PRKG1: variants seen among roughly 807,000 people sequenced by gnomAD.
PRKG1 encodes the protein protein kinase cGMP-dependent 1.
PRKG1 carries 35 observed loss-of-function variants against 88.1 expected under a neutral mutation model. That is an observed-to-expected ratio of 0.40 (90% CI 0.30 to 0.53). PRKG1 has a LOEUF of 0.53. Ranked by LOEUF, PRKG1 falls within the 20% of genes least tolerant of loss-of-function variation. The pLI, the probability that PRKG1 is intolerant of heterozygous loss-of-function variation, is 0.59. For synonymous variants in PRKG1, 303 were observed against 292.5 expected (o/e 1.04, Z -0.37); for missense variants, 540 against 839.8 (o/e 0.64, Z 4.41).
chr10:51,003,828 C>T (rs56866455), intron 1 of PRKG1, among the ~76,000 whole-genome samples: 3,906 of 152,236 alleles, frequency 0.026, 66 homozygotes, highest in East Asian at 0.042. Context: ...TTCCATAACA[C>T]TCCTCAGTAA....
chr10:51,721,700 C>A (rs1292705683), intron 3 of PRKG1, among the ~76,000 whole-genome samples: 1 of 151,886 alleles, frequency 6.6e-6, no homozygotes, highest in Non-Finnish European at 1.5e-5. Context: ...CTGTGTAGCC[C>A]AGGCAGTATA....
chr10:51,375,539 A>T (rs527345397), intron 2 of PRKG1, among the ~76,000 whole-genome samples: 134 of 152,202 alleles, frequency 8.8e-4, no homozygotes, highest in Admixed American at 1.4e-3. Flanking sequence ...GTGTCATGTC[A>T]GCACTCAAAA....
At position 52,240,045 on chromosome 10, in the gene PRKG1, C is replaced by T. The variant is rs1840819298; in HGVS notation, c.1077-11525C>T. On this transcript the variant is annotated intron_variant, in intron 9 of 17. Coordinates refer to ENST00000373980, the MANE Select transcript of PRKG1 (RefSeq NM_006258.4). The stretch of plus-strand genomic sequence containing the variant: ...ATTTGTAATCCCTTTATAAAGTTAT[C>T]TGATTTTGAGAGGGACACCTTTCCA... 2.0e-5 allele frequency among the ~76,000 whole-genome samples: 3 copies of T among 152,146 alleles called. No homozygotes were observed. The South Asian group carries it at 6.2e-4, about 32-fold the overall frequency.
chr10:51,384,738 G>A (rs951547892), intron 2 of PRKG1, among the ~76,000 whole-genome samples: 1 of 151,964 alleles, frequency 6.6e-6, no homozygotes, highest in Non-Finnish European at 1.5e-5. Flanking sequence ...CCTCATTGCT[G>A]TTCCCACTTC....
intron 2 of PRKG1, among the ~76,000 whole-genome samples, chr10:51,338,577 T>C (rs1472495958): frequency 6.6e-6 from 1 of 152,184 alleles, no homozygotes; most frequent in Non-Finnish European, 1.5e-5. Context: ...GTGTCAGAAT[T>C]CTCAATGGGA....
At chr10:51,754,222 C>A (rs981124581) in intron 3 of PRKG1, among the ~76,000 whole-genome samples, 1 of 152,078 alleles carries the variant, frequency 6.6e-6, no homozygotes, top group Non-Finnish European at 1.5e-5. Flanking sequence ...CAACTTAGTC[C>A]CTGTTATTGA....
chr10:51,712,968 T>A (rs1055258210), intron 3 of PRKG1, among the ~76,000 whole-genome samples: 4 of 112,634 alleles, frequency 3.6e-5, no homozygotes, highest in Non-Finnish European at 8.0e-5. Flanking sequence ...ACAATAACTC[T>A]ATGAGGGTTT....
chr10:51,060,489 G>A (rs1843680706), intron 1 of PRKG1, among the ~76,000 whole-genome samples: 1 of 151,972 alleles, frequency 6.6e-6, no homozygotes, highest in South Asian at 2.1e-4. Context: ...GGTTACTCTA[G>A]AGAGTACAAC....
At chr10:51,435,371 C>A (rs1005378229) in intron 2 of PRKG1, among the ~76,000 whole-genome samples, 6 of 151,250 alleles carry the variant, frequency 4.0e-5, no homozygotes, top group Non-Finnish European at 8.8e-5. Flanking sequence ...GGTGTGAACT[C>A]CTGGCCTTGA....
At chr10:51,959,792 G>A (rs965054429) in intron 5 of PRKG1, among the ~76,000 whole-genome samples, 3 of 152,084 alleles carry the variant, frequency 2.0e-5, no homozygotes, top group Admixed American at 1.3e-4. Flanking sequence ...AGCCAAGTGG[G>A]TGGTGATGCT....
intron 5 of PRKG1, among the ~76,000 whole-genome samples, chr10:51,962,555 G>T (rs1309807368): frequency 6.6e-6 from 1 of 151,960 alleles, no homozygotes; most frequent in Non-Finnish European, 1.5e-5. Context: ...CCTTTGATTT[G>T]CAGCTGTGGT....
chr10:52,217,319 C>T (rs1306639637), intron 9 of PRKG1, among the ~76,000 whole-genome samples: 2 of 147,060 alleles, frequency 1.4e-5, no homozygotes, highest in Non-Finnish European at 3.0e-5. Context: ...TATACATATA[C>T]ACACACACGT....
intron 7 of PRKG1, among the ~76,000 whole-genome samples, chr10:52,076,531 T>G (rs1457123987): frequency 6.6e-6 from 1 of 152,148 alleles, no homozygotes; most frequent in Non-Finnish European, 1.5e-5. Context: ...CACTCCAGCC[T>G]GGGCAACAGA....
At chr10:51,146,874 G>A in intron 1 of PRKG1, among the ~76,000 whole-genome samples, 1 of 152,102 alleles carries the variant, frequency 6.6e-6, no homozygotes, top group Non-Finnish European at 1.5e-5. Flanking sequence ...AGTCACAATA[G>A]CCAAGATACG....
chr10:51,249,119 CT>C (rs761321206), intron 2 of PRKG1, among the ~76,000 whole-genome samples: 1 of 151,720 alleles, frequency 6.6e-6, no homozygotes, highest in Non-Finnish European at 1.5e-5. Context: ...ACAGTTAATG[CT>C]GTATTAAAAT....
intron 2 of PRKG1, among the ~76,000 whole-genome samples, chr10:51,191,355 C>T (rs1288342670): frequency 2.0e-5 from 3 of 151,782 alleles, no homozygotes; most frequent in Non-Finnish European, 4.4e-5. Flanking sequence ...TATATAACTT[C>T]TAAGCCTCAG....
At chr10:51,699,078 CT>C in intron 3 of PRKG1, 1 of 1,614,218 alleles carries the variant, frequency 6.2e-7, no homozygotes, top group Non-Finnish European at 8.5e-7. Context: ...ATGTTTCGAG[CT>C]TCCTGGTGGC....
At chr10:52,010,937 T>C (rs1844864195) in intron 5 of PRKG1, among the ~76,000 whole-genome samples, 1 of 152,224 alleles carries the variant, frequency 6.6e-6, no homozygotes, top group Non-Finnish European at 1.5e-5. Flanking sequence ...GTCATTTTGT[T>C]CATCCCTTCT....
intron 5 of PRKG1, among the ~76,000 whole-genome samples, chr10:51,983,088 G>A (rs1018521934): frequency 6.6e-6 from 1 of 152,134 alleles, no homozygotes; most frequent in South Asian, 2.1e-4. Context: ...GGTAACTCAG[G>A]GAGGGGGTTG....
Sources: gnomAD v4.1 joint callset for allele counts (sites outside exome capture counted in the v4.1 genomes callset) on GRCh38, gnomAD v4.1.1 for gene constraint, MANE v1.5 for transcripts, NCBI Gene and HGNC (gene_info 2026-07-23, HGNC 2026-07-21) for gene names.